Variants in LILRB2 observed in about 807,000 individuals in gnomAD.
LILRB2 encodes leukocyte immunoglobulin like receptor B2.
In LILRB2, 47 loss-of-function variants were observed where a neutral mutation model predicts 72.7. The ratio of observed to expected loss-of-function variants is 0.65; its 90% CI spans 0.51 to 0.82. LILRB2 has a LOEUF of 0.82. LILRB2 is among the 40% of genes least tolerant of loss of function. The pLI is 0.00. For synonymous variants in LILRB2, 279 were observed against 313.7 expected, an observed-to-expected ratio of 0.89 and a Z score of 1.17; for missense variants, 767 against 764.8, an observed-to-expected ratio of 1.00 and a Z score of -0.03.
rs1411751895 is a variant in LILRB2 at position 54,279,055 on chromosome 19, C to T, written c.712G>A (p.Gly238Arg). The T allele has an allele frequency of 1.2e-6, 2 of 1,614,194 alleles. No individual in the cohort carries two copies. Among genetic ancestry groups the T allele is most frequent in the East Asian group, 4.5e-5 (2 of 44,874 alleles). ...ACACACTGGAGGGTCAGGCTTTCCCCAGGGGCCATGACAGGACCCGGCTGC... is the reference window on the plus strand; with the variant it reads ...ACACACTGGAGGGTCAGGCTTTCCCTAGGGGCCATGACAGGACCCGGCTGC... ...SVQPGPVMAP[G>R]ESLTLQCVSD... The change falls in exon 6 of 14, where the codon GGG (glycine) becomes AGG (arginine). Residue 238 changes from glycine to arginine, a missense_variant. Physicochemically the swap from Gly to Arg is moderately radical, Grantham distance 125 (BLOSUM62 -2). This residue lies in a region of LILRB2 where 599 missense variants were observed against 568.2 expected (regional missense o/e 1.05). Transcript: ENST00000314446.
Position 54,275,846 on chromosome 19 carries a change from A to G in LILRB2, c.1647+105T>C, listed in dbSNP as rs2080191189. The G allele has an allele frequency of 1.3e-5, 19 of 1,419,406 alleles. 1 individual carries two copies. In the Middle Eastern group the frequency reaches 6.9e-4, roughly 52 times the overall value. 87.9% of individuals were successfully genotyped at this position (1,419,406 alleles called of 1,614,324 possible). The stretch of plus-strand genomic sequence containing the variant: ...CAGCGTGCTGGACAAGGAGGGGTCC[A>G]CCGTGACGATGCTGAGAGCCGGGGG... On this transcript the variant is annotated intron_variant, in intron 13 of 13. Transcript: ENST00000314446.
In LILRB2 at chr19:54,274,652, T is replaced by C. The variant is rs769947172; in HGVS notation, c.*31A>G. On this transcript the variant is annotated 3_prime_UTR_variant, in exon 14 of 14. Coordinates refer to ENST00000314446, the MANE Select transcript of LILRB2 (RefSeq NM_001080978.4). ...CCTTCAGCAGTCCTGAGTCTCCTTC[T>C]ACTGAGTGTGGAGTCTGCGTACCCT... 1.3e-5 allele frequency: 21 copies of C among 1,614,072 alleles called. No homozygotes were observed. Among genetic ancestry groups the C allele is most frequent in the Non-Finnish European group, 1.8e-5 (21 of 1,180,004 alleles).
chr19:54,280,167 C>G (rs1385035085), intron 3 of LILRB2, 92 bp from the exon 4 acceptor site: 6 of 1,610,456 alleles, frequency 3.7e-6, no homozygotes, highest in Middle Eastern at 1.7e-4. Context: ...CCCCATCAGT[C>G]AGTCCAGAAC....
In LILRB2 at chr19:54,280,347, G is replaced by C. The variant is rs112638739; in HGVS notation, c.35-48C>G. 15 of 1,614,172 alleles carry C rather than the reference G, an allele frequency of 9.3e-6. No individual in the cohort carries two copies. In the East Asian group the frequency reaches 3.1e-4, roughly 34 times the overall value. On this transcript the variant is annotated intron_variant, in intron 2 of 13. Transcript: ENST00000314446. ...GGATTTGCCCCCTGAAGCCTGAGCA[G>C]GTCCTCCCCTCCCTGGGATCTTTGT...
intron 1 of LILRB2, 175 bp from the exon 2 acceptor site, chr19:54,280,719 A>T (rs1245461895): frequency 1.3e-5 from 5 of 395,424 alleles, no homozygotes; most frequent in Non-Finnish European, 2.0e-5. Flanking sequence ...GGGGGCAGGC[A>T]CTGGGCCCTC....
rs187418442 is a variant in LILRB2, at chr19:54,275,853, C to T, written c.1647+98G>A. ...CTGGACAAGGAGGGGTCCACCGTGA[C>T]GATGCTGAGAGCCGGGGGAAGGAGG... On this transcript the variant is annotated intron_variant, in intron 13 of 13. Coordinates refer to ENST00000314446, the MANE Select transcript of LILRB2 (RefSeq NM_001080978.4). 864 of 1,473,920 alleles carry T rather than the reference C, an allele frequency of 5.9e-4. 14 individuals are homozygous for T. The Admixed American group carries it at 0.013, about 22-fold the overall frequency. The allele number at this position is 1,473,920 out of a possible 1,614,324, so 91.3% of individuals were successfully genotyped here.
intron 13 of LILRB2, chr19:54,275,175 T>A: frequency 6.9e-7 from 1 of 1,449,110 alleles, no homozygotes; most frequent in Admixed American, 2.0e-5. Flanking sequence ...CCCGATGGAA[T>A]CTCAGGGACG....
At chr19:54,276,191 C>G (rs1259685699) in intron 12 of LILRB2, 73 bp downstream of exon 12, 1 of 1,606,504 alleles carries the variant, frequency 6.2e-7, no homozygotes, top group Non-Finnish European at 8.5e-7. Flanking sequence ...AGCCGGTGCC[C>G]CTTTCCCCAT....
In LILRB2 at chr19:54,280,020, C is replaced by T. The variant is rs1321451925; in HGVS notation, c.126G>A (p.Gly42=). 1.9e-6 allele frequency: 3 copies of T among 1,614,106 alleles called. No homozygotes were observed. Among genetic ancestry groups the T allele is most frequent in the Non-Finnish European group, 2.5e-6 (3 of 1,179,998 alleles). ...WAEPDSVITQ[G]SPVTLSCQGS... Reference sequence around the variant, plus strand: ...CCTGACAACTGAGGGTGACGGGACTCCCCTGGGTGATCACAGAGTCTGGCT... The same window carrying T: ...CCTGACAACTGAGGGTGACGGGACTTCCCTGGGTGATCACAGAGTCTGGCT... Residue 42 remains glycine (G), a synonymous_variant, in exon 4 of 14, where the codon GGG becomes GGA. Transcript: ENST00000314446.
chr19:54,275,363 G>C (rs144529871), intron 13 of LILRB2: 4 of 518,556 alleles, frequency 7.7e-6, no homozygotes, highest in Non-Finnish European at 1.1e-5. Context: ...TTAGAGGATC[G>C]TGTGCCCCAC....
rs750916562 is a variant in LILRB2, at chr19:54,275,631, A to G, written c.1647+320T>C. The G allele has an allele frequency of 1.0e-3, 556 of 544,608 alleles. 3 individuals are homozygous for G. The highest frequency in any genetic ancestry group is 3.9e-3 in the Middle Eastern group (9 of 2,330). 33.7% of individuals were successfully genotyped at this position (544,608 alleles called of 1,614,324 possible). ...CACAGTGAGCTCCCTGGGAACACTC[A>G]CTGGTTGAATGAATGAAGGGGAGCC... On this transcript the variant is annotated intron_variant, in intron 13 of 13. Coordinates refer to ENST00000314446, the MANE Select transcript of LILRB2 (RefSeq NM_001080978.4).
At chr19:54,278,004 A>G in intron 7 of LILRB2, 65 bp from the exon 8 acceptor site, 12 of 1,307,032 alleles carry the variant, frequency 9.2e-6, no homozygotes, top group Non-Finnish European at 1.2e-5. Context: ...CCTCAAACCA[A>G]ATTTCTCTAC....
Position 54,276,444 on chromosome 19 carries a change from G to A in LILRB2, c.1493C>T (p.Ala498Val). ...AGCCCCTGCAGGATGTTGGAAATCAGCCTTTCTCTGGGCTGGGGGAAGAAG... is the reference window on the plus strand; with the variant it reads ...AGCCCCTGCAGGATGTTGGAAATCAACCTTTCTCTGGGCTGGGGGAAGAAG... ...GKHWTSTQRK[A>V]DFQHPAGAVG... The change falls in exon 11 of 14, where the codon GCT becomes GTT. Residue 498 changes from alanine (A) to valine (V), a missense_variant. Physicochemically the swap from Ala to Val is moderately conservative, Grantham distance 64 (BLOSUM62 0). This residue lies in a region of LILRB2 where 162 missense variants were observed against 176.7 expected (regional missense o/e 0.92). Coordinates refer to ENST00000314446, the MANE Select transcript of LILRB2 (RefSeq NM_001080978.4). 3 of 1,593,200 alleles carry A rather than the reference G, an allele frequency of 1.9e-6. No individual in the cohort carries two copies. The highest frequency in any genetic ancestry group is 2.6e-6 in the Non-Finnish European group (3 of 1,164,406).
At chr19:54,277,011 G>A (rs1206682071) in intron 9 of LILRB2, 82 bp from the exon 10 acceptor site, 1 of 1,529,670 alleles carries the variant, frequency 6.5e-7, no homozygotes, top group African/African-American at 1.4e-5. Flanking sequence ...TGGACCTTCT[G>A]TTCACCACCT....
In LILRB2 at chr19:54,279,779, G is replaced by T. The variant is rs2080459775; in HGVS notation, c.355+12C>A. On this transcript the variant is annotated intron_variant, in intron 4 of 13. Coordinates refer to ENST00000314446, the MANE Select transcript of LILRB2 (RefSeq NM_001080978.4). ...CAGAGCCTGGGGCTGGGATCCCTGAGTGTCCTCTCACCTGTCATCACCAGC... is the reference window on the plus strand; with the variant it reads ...CAGAGCCTGGGGCTGGGATCCCTGATTGTCCTCTCACCTGTCATCACCAGC... The T allele has an allele frequency of 2.5e-6, 4 of 1,613,728 alleles. No homozygotes were observed. Among genetic ancestry groups the T allele is most frequent in the Non-Finnish European group, 3.4e-6 (4 of 1,179,728 alleles).
chr19:54,277,810 G>A (rs2080314698), intron 8 of LILRB2, 79 bp downstream of exon 8: 2 of 1,361,940 alleles, frequency 1.5e-6, no homozygotes, highest in Non-Finnish European at 2.1e-6. Flanking sequence ...TCCCTGAAGG[G>A]AATGGGATCC....
rs73938622 is a variant in LILRB2 at position 54,275,943 on chromosome 19, G to A, written c.1647+8C>T. On this transcript the variant is annotated splice_region_variant and intron_variant, in intron 13 of 13. Transcript: ENST00000314446. ...CCTTTGGTGCCTGGGACAGGGGCGG[G>A]GTCTCACCCGAGTGTCCATCTCCAC... The A allele has an allele frequency of 0.021, 33,257 of 1,613,644 alleles. 3,021 individuals are homozygous for A. The African/African-American group carries it at 0.29, about 14-fold the overall frequency.
chr19:54,278,430 T>A lies in LILRB2; in HGVS notation c.1088A>T (p.Asp363Val). 6.2e-7 allele frequency: 1 copy of A among 1,614,170 alleles called. No homozygotes were observed. The highest frequency in any genetic ancestry group is 8.5e-7 in the Non-Finnish European group (1 of 1,180,004). ...TATTGATCTTAGACGGAGTGGGGCATCAGCTGCTCCCGCCTTGGTCAGAAG... is the reference window on the plus strand; with the variant it reads ...TATTGATCTTAGACGGAGTGGGGCAACAGCTGCTCCCGCCTTGGTCAGAAG... Reference protein sequence around the residue: ...TFLLTKAGAADAPLRLRSIHE... With the variant: ...TFLLTKAGAAVAPLRLRSIHE... Residue 363 changes from aspartate (D) to valine (V), a missense_variant, in exon 7 of 14, where the codon GAT (aspartate) becomes GTT (valine). This residue lies in a region of LILRB2 where 599 missense variants were observed against 568.2 expected (regional missense o/e 1.05). Coordinates refer to ENST00000314446, the MANE Select transcript of LILRB2 (RefSeq NM_001080978.4).
chr19:54,274,353 A>C lies in LILRB2; in HGVS notation c.*330T>G, dbSNP rs1396524525. On this transcript the variant is annotated 3_prime_UTR_variant, in exon 14 of 14. Transcript: ENST00000314446. ...TTTTTTTTTCGTTTCTACTTTTTTC[A>C]TTTGTGGTTTGTACTTTTTCAATTT... is the stretch of plus-strand genomic sequence containing the variant. The C allele has an allele frequency of 4.1e-6, 1 of 246,546 alleles. No individual in the cohort carries two copies. The highest frequency in any genetic ancestry group is 7.4e-6 in the Non-Finnish European group (1 of 134,852). 15.3% of individuals were successfully genotyped at this position (246,546 alleles called of 1,614,324 possible). A position where few individuals can be genotyped will look rare whatever the true frequency, so the allele number is the denominator to read the frequency against.
Sources: allele counts gnomAD v4.1 joint callset, GRCh38; gene constraint gnomAD v4.1.1; regional missense constraint gnomAD v4.1.1; transcripts MANE v1.5; gene names NCBI Gene and HGNC (gene_info 2026-07-23, HGNC 2026-07-21).